FAM184B: variants seen among roughly 807,000 people sequenced by gnomAD.
FAM184B encodes the protein protein FAM184B.
Under a neutral mutation model 135.9 loss-of-function variants are expected in FAM184B, and 111 were observed. The ratio of observed to expected loss-of-function variants is 0.82; its 90% confidence interval spans 0.70 to 0.96. The LOEUF (loss-of-function observed/expected upper bound fraction) is 0.96. Ranked by LOEUF, FAM184B falls within the 40% of genes least tolerant of loss-of-function variation. The pLI, the probability that FAM184B is intolerant of heterozygous loss-of-function variation, is 0.00. For synonymous variants in FAM184B, 552 were observed against 524.8 expected, an observed-to-expected ratio of 1.05 and a Z score of -0.71; for missense variants, 1,375 against 1,323.9, an observed-to-expected ratio of 1.04 and a Z score of -0.60.
At chr4:17,693,606 A>G (rs576698638) in intron 5 of FAM184B, among the ~76,000 whole-genome samples, 194 bp from the exon 6 acceptor site, 1 of 152,304 alleles carries the variant, frequency 6.6e-6, no homozygotes, top group African/African-American at 2.4e-5. Context: ...AGCCTGATAT[A>G]TATAGGGGTG....
intron 8 of FAM184B, among the ~76,000 whole-genome samples, chr4:17,661,963 T>C (rs1715931202): frequency 6.6e-6 from 1 of 152,214 alleles, no homozygotes; most frequent in Admixed American, 6.5e-5. Context: ...TATACAACCA[T>C]GAAACCAACA....
chr4:17,708,296 C>T (rs1375296795), intron 2 of FAM184B, among the ~76,000 whole-genome samples: 3 of 152,084 alleles, frequency 2.0e-5, no homozygotes, highest in Admixed American at 1.3e-4. Flanking sequence ...CCAAGTCTAA[C>T]TCACCACGTG....
At chr4:17,657,652 G>A (rs939677370) in intron 10 of FAM184B, among the ~76,000 whole-genome samples, 1 of 86,062 alleles carries the variant, frequency 1.2e-5, no homozygotes, top group African/African-American at 4.3e-5. Context: ...TGGCTGAGCT[G>A]TTCTTTTTTT....
chr4:17,693,806 T>C (rs1716792805), intron 5 of FAM184B, among the ~76,000 whole-genome samples: 1 of 152,194 alleles, frequency 6.6e-6, no homozygotes, highest in African/African-American at 2.4e-5. Context: ...ACAGCATCCA[T>C]ACATGAGTCA....
At chr4:17,693,788 T>A (rs1389626429) in intron 5 of FAM184B, among the ~76,000 whole-genome samples, 1 of 152,152 alleles carries the variant, frequency 6.6e-6, no homozygotes, top group Non-Finnish European at 1.5e-5. Context: ...GTACAAAATT[T>A]CTTCTCAACA....
At chr4:17,673,268 AT>A (rs1382285062) in intron 7 of FAM184B, among the ~76,000 whole-genome samples, 1 of 152,048 alleles carries the variant, frequency 6.6e-6, no homozygotes, top group Admixed American at 6.6e-5. Context: ...AAAAAAATAG[AT>A]ATTGGTATAG....
At chr4:17,734,773 C>T (rs200194574) in intron 1 of FAM184B, among the ~76,000 whole-genome samples, 34,868 of 147,358 alleles carry the variant, frequency 0.24, 4,679 homozygotes, top group East Asian at 0.55. Context: ...GTCAGTGCGG[C>T]GATTCCTCAG....
At chr4:17,771,259 G>C (rs1169212742) in intron 1 of FAM184B, among the ~76,000 whole-genome samples, 1 of 152,174 alleles carries the variant, frequency 6.6e-6, no homozygotes, top group Non-Finnish European at 1.5e-5. Flanking sequence ...TCTGGCTGCT[G>C]TGTGGAGAAA....
intron 13 of FAM184B, 35 bp from the exon 14 acceptor site, chr4:17,639,431 G>C (rs1426009716): frequency 1.9e-6 from 3 of 1,548,624 alleles, no homozygotes; most frequent in Non-Finnish European, 2.6e-6. Context: ...GGCTTGCCCA[G>C]CTCCAGGGAT....
intron 1 of FAM184B, among the ~76,000 whole-genome samples, chr4:17,739,907 C>A (rs113175989): frequency 5.9e-5 from 9 of 151,954 alleles, no homozygotes; most frequent in African/African-American, 1.9e-4. Context: ...ATCTAAGAGG[C>A]GAATGCACTT....
chr4:17,690,135 G>A (rs916161593), intron 6 of FAM184B, among the ~76,000 whole-genome samples: 6 of 151,368 alleles, frequency 4.0e-5, no homozygotes, highest in South Asian at 2.1e-4. Flanking sequence ...GTGACAGAAC[G>A]AGACTCCGTC....
chr4:17,672,982 A>G (rs1716212499), intron 7 of FAM184B, among the ~76,000 whole-genome samples: 1 of 152,186 alleles, frequency 6.6e-6, no homozygotes, highest in Admixed American at 6.5e-5. Context: ...CAGCAGAGTA[A>G]ACAGACAACC....
rs1031000604 is a variant in FAM184B at position 17,639,279 on chromosome 4, G to T, written c.2637C>A (p.Leu879=). ...VADFSSAQAQ[L]QARLAALEAE... is the part of the protein sequence containing the mutation. ...CTTCCAGGGCAGCCAGCCGGGCCTG[G>T]AGCTGGGCCTGGGCACTACTGAAAT... is the stretch of plus-strand genomic sequence containing the variant. The change falls in exon 14 of 18, where the codon CTC becomes CTA. Residue 879 remains leucine, a synonymous_variant. Coordinates refer to ENST00000265018, the MANE Select transcript of FAM184B (RefSeq NM_015688.2). 2 of 1,551,582 alleles carry T rather than the reference G, an allele frequency of 1.3e-6. No homozygotes were observed. The highest frequency in any genetic ancestry group is 2.7e-5 in the African/African-American group (2 of 73,042).
chr4:17,634,931 A>AT, intron 16 of FAM184B, 78 bp downstream of exon 16: 1 of 1,000,984 alleles, frequency 1.0e-6, no homozygotes, highest in Non-Finnish European at 1.5e-6. Context: ...CCAGCCCTTA[A>AT]ATAACCTGTG....
chr4:17,714,076 C>T (rs941249475), intron 1 of FAM184B, among the ~76,000 whole-genome samples: 2 of 152,154 alleles, frequency 1.3e-5, no homozygotes, highest in African/African-American at 4.8e-5. Context: ...GGACAAGAAC[C>T]ATATCACTTC....
chr4:17,751,823 G>GCGCACACA (rs764575898), intron 1 of FAM184B, among the ~76,000 whole-genome samples: 79 of 115,900 alleles, frequency 6.8e-4, no homozygotes, highest in African/African-American at 1.3e-3. Context: ...TAAAAACAAG[G>GCGCACACA]CACACACACA....
chr4:17,634,913 A>C, intron 16 of FAM184B, 96 bp downstream of exon 16: 1 of 707,328 alleles, frequency 1.4e-6, no homozygotes, highest in Non-Finnish European at 2.2e-6. Context: ...TATTTTTCTG[A>C]GCGTACACCA....
chr4:17,655,018 A>AT (rs990480484), intron 10 of FAM184B, among the ~76,000 whole-genome samples: 7 of 151,858 alleles, frequency 4.6e-5, no homozygotes, highest in South Asian at 4.2e-4. Context: ...CACCTGGCTA[A>AT]TTTTTTTTGT....
intron 12 of FAM184B, among the ~76,000 whole-genome samples, chr4:17,646,397 C>T (rs980278183): frequency 6.6e-6 from 1 of 151,972 alleles, no homozygotes; most frequent in South Asian, 2.1e-4. Context: ...TACTATGCAG[C>T]CATAAAAAAG....
Sources: gnomAD v4.1 joint callset for allele counts (sites outside exome capture counted in the v4.1 genomes callset) on GRCh38, gnomAD v4.1.1 for gene constraint, MANE v1.5 for transcripts, NCBI Gene and HGNC (gene_info 2026-07-23, HGNC 2026-07-21) for gene names.